The following FGFR2 variants were observed in gnomAD, a reference collection of about 807,000 sequenced individuals.
FGFR2 encodes BEK fibroblast growth factor receptor.
In FGFR2, 19 loss-of-function variants were observed where a neutral mutation model predicts 95.9. That is an observed-to-expected ratio of 0.20 (90% CI 0.14 to 0.29). The LOEUF is 0.29. Among genes scored for constraint, FGFR2 ranks in the 10% least tolerant of loss-of-function variants. FGFR2 has a pLI of 1.00. For synonymous variants in FGFR2, 392 were observed against 393.3 expected (o/e 1.00, Z 0.04); for missense variants, 707 against 1,056.9 (o/e 0.67, Z 4.59).
At chr10:121,588,027 T>C (rs1010128032) in intron 2 of FGFR2, among the ~76,000 whole-genome samples, 2 of 152,066 alleles carry the variant, frequency 1.3e-5, no homozygotes, top group Admixed American at 1.3e-4. Flanking sequence ...ATAAAGAAAA[T>C]GTAGTACATA....
rs374993905 is a variant in FGFR2, at chr10:121,479,994, C to G, written c.2329G>C (p.Glu777Gln). The G allele has an allele frequency of 1.2e-6, 2 of 1,614,074 alleles. No homozygotes were observed. Among genetic ancestry groups the G allele is most frequent in the South Asian group, 1.1e-5 (1 of 91,056 alleles). Residue 777 changes from glutamate (E) to glutamine (Q), a missense_variant, in exon 18 of 18, where the codon GAA becomes CAA. By Grantham distance (29) the Glu-to-Gln change is conservative. This residue lies in a region of FGFR2 where 104 missense variants were observed against 214.2 expected (regional missense o/e 0.49). Coordinates refer to ENST00000358487, the MANE Select transcript of FGFR2 (RefSeq NM_000141.5). ...EEYLDLSQPLEQYSPSYPDTR... is the reference protein window; with the variant it reads ...EEYLDLSQPLQQYSPSYPDTR... ...TCAGGGTAACTAGGTGAATACTGTT[C>G]GAGAGGTTGGCTGAGGTCCAAGTAT...
intron 5 of FGFR2, among the ~76,000 whole-genome samples, chr10:121,544,543 T>A (rs1013080971): frequency 6.6e-6 from 1 of 151,862 alleles, no homozygotes; most frequent in Non-Finnish European, 1.5e-5. Flanking sequence ...ATGGATGGAC[T>A]TTTGTTAAGT....
chr10:121,569,194 G>C (rs1373996340), intron 2 of FGFR2, among the ~76,000 whole-genome samples: 1 of 146,170 alleles, frequency 6.8e-6, no homozygotes, highest in Non-Finnish European at 1.5e-5. Flanking sequence ...GAACATCTGG[G>C]TTTCTTTTTC....
intron 11 of FGFR2, 135 bp downstream of exon 11, chr10:121,500,691 A>G (rs550621145): frequency 2.4e-6 from 3 of 1,266,710 alleles, no homozygotes; most frequent in East Asian, 2.3e-5. Context: ...ATTTATACCG[A>G]AAACTTCTCA....
Position 121,485,615 on chromosome 10 carries a change from C to T in FGFR2, c.2058-83G>A, listed in dbSNP as rs1845309013. ...ACACGCCCAGCTGAGACATAAACAC[C>T]TCCTCACTTCTGAAGTTCAAAGACA... On this transcript the variant is annotated intron_variant, in intron 15 of 17. Transcript: ENST00000358487. The surrounding 1 kb of genome is among the most constrained non-coding windows in gnomAD (Gnocchi z 4.2). The T allele has an allele frequency of 1.3e-6, 2 of 1,582,192 alleles. No homozygotes were observed. The highest frequency in any genetic ancestry group is 2.2e-5 in the South Asian group (2 of 89,454).
At position 121,518,055 on chromosome 10, in the gene FGFR2, C is replaced by A; in HGVS notation, c.940-592G>T. 1 of 498,216 alleles carries A rather than the reference C, an allele frequency of 2.0e-6. No homozygotes were observed. The highest frequency in any genetic ancestry group is 2.0e-5 in the African/African-American group (1 of 50,738). The allele number at this position is 498,216 out of a possible 1,614,324, so 30.9% of individuals were successfully genotyped here. A position where few individuals can be genotyped will look rare whatever the true frequency, so the allele number is the denominator to read the frequency against. On this transcript the variant is annotated intron_variant, in intron 7 of 17. Coordinates refer to ENST00000358487, the MANE Select transcript of FGFR2 (RefSeq NM_000141.5). The surrounding 1 kb of genome is among the most constrained non-coding windows in gnomAD (Gnocchi z 4.0). ...ATGGAAGCAAGCATCATCTTGGTAA[C>A]CAAAAAAACTGGGCTTTTTCTCTTT... is the stretch of plus-strand genomic sequence containing the variant.
At chr10:121,526,511 A>AGTTTT (rs1236042591) in intron 6 of FGFR2, among the ~76,000 whole-genome samples, 1 of 152,306 alleles carries the variant, frequency 6.6e-6, no homozygotes, top group Non-Finnish European at 1.5e-5. Context: ...TTGGGTTCTG[A>AGTTTT]GTTTTGTTTT....
At chr10:121,498,327 C>A (rs973774231) in intron 12 of FGFR2, among the ~76,000 whole-genome samples, 168 bp downstream of exon 12, 1 of 152,186 alleles carries the variant, frequency 6.6e-6, no homozygotes, top group Non-Finnish European at 1.5e-5. Flanking sequence ...GGCACAGACC[C>A]TTCTTTGTGT....
chr10:121,598,031 G>C lies in FGFR2; in HGVS notation c.-220C>G. ...CCGCGTGGGTCGGGATGGAGAAAGCGACGAGCCCGGGGTTGCGGGGAGCAA... is the reference window on the plus strand; with the variant it reads ...CCGCGTGGGTCGGGATGGAGAAAGCCACGAGCCCGGGGTTGCGGGGAGCAA... On this transcript the variant is annotated 5_prime_UTR_variant, in exon 1 of 18. Transcript: ENST00000358487. The C allele has an allele frequency of 2.5e-6, 1 of 397,402 alleles. No homozygotes were observed. Among genetic ancestry groups the C allele is most frequent in the African/African-American group, 2.1e-5 (1 of 48,724 alleles). The allele number at this position is 397,402 out of a possible 1,614,324, so 24.6% of individuals were successfully genotyped here.
At chr10:121,520,828 A>G (rs1028871979) in intron 6 of FGFR2, among the ~76,000 whole-genome samples, 1 of 152,126 alleles carries the variant, frequency 6.6e-6, no homozygotes, top group Admixed American at 6.5e-5. Flanking sequence ...TGTTTTATAG[A>G]AAGAGGATTT....
chr10:121,495,203 T>C (rs1846625561), intron 13 of FGFR2, among the ~76,000 whole-genome samples: 2 of 152,188 alleles, frequency 1.3e-5, no homozygotes, highest in South Asian at 4.1e-4. Context: ...AAGTCAAAAC[T>C]GTGTTTAATT....
At chr10:121,556,854 G>A (rs1186349851) in intron 4 of FGFR2, among the ~76,000 whole-genome samples, 2 of 152,090 alleles carry the variant, frequency 1.3e-5, no homozygotes, top group Admixed American at 1.3e-4. Context: ...TCTATAATTA[G>A]GGCTTTTAAA....
At position 121,551,187 on chromosome 10, in the gene FGFR2, T is replaced by C. The variant is rs1188719353; in HGVS notation, c.624+103A>G. On this transcript the variant is annotated intron_variant, in intron 5 of 17. Transcript: ENST00000358487. ...GTGAACCGAGATCGCACCACGGCAC[T>C]CCAGCCTGGGCGACAGAGCGAGACT... 2.2e-6 allele frequency: 3 copies of C among 1,375,034 alleles called. No homozygotes were observed. In the African/African-American group the frequency reaches 4.4e-5, roughly 20 times the overall value. The allele number at this position is 1,375,034 out of a possible 1,614,324, so 85.2% of individuals were successfully genotyped here. A position where few individuals can be genotyped will look rare whatever the true frequency, so the allele number is the denominator to read the frequency against.
chr10:121,591,952 A>G (rs1862724808), intron 2 of FGFR2, among the ~76,000 whole-genome samples: 2 of 152,200 alleles, frequency 1.3e-5, no homozygotes, highest in Admixed American at 6.5e-5. Flanking sequence ...CCCTCCCTGC[A>G]TGTATACACA....
intron 17 of FGFR2, chr10:121,481,827 C>T (rs1367890311): frequency 2.1e-4 from 37 of 179,052 alleles, no homozygotes; most frequent in African/African-American, 6.1e-4. Flanking sequence ...CGGTTTCTTT[C>T]TTTTTTATTT....
chr10:121,525,176 T>C (rs1026263275), intron 6 of FGFR2, among the ~76,000 whole-genome samples: 1 of 152,172 alleles, frequency 6.6e-6, no homozygotes, highest in African/African-American at 2.4e-5. Context: ...TATACACATA[T>C]AAGAATAGAC....
In FGFR2 at chr10:121,538,695, G is replaced by A. The variant is rs2134608099; in HGVS notation, c.645C>T (p.Ser215=). The A allele has an allele frequency of 6.2e-7, 1 of 1,614,142 alleles. No individual in the cohort carries two copies. The change falls in exon 6 of 18, where the codon AGC becomes AGT. Residue 215 remains serine (S), a synonymous_variant. Coordinates refer to ENST00000358487, the MANE Select transcript of FGFR2 (RefSeq NM_000141.5). ...GGYKVRNQHW[S]LIMESVVPSD... ...ATGGGACCACACTTTCCATAATGAGGCTCCAGTGCTGGTTTCGTACCTGAA... is the reference window on the plus strand; with the variant it reads ...ATGGGACCACACTTTCCATAATGAGACTCCAGTGCTGGTTTCGTACCTGAA...
intron 2 of FGFR2, among the ~76,000 whole-genome samples, chr10:121,573,691 A>AAGAGGCAGG (rs1164884563): frequency 6.6e-6 from 1 of 151,900 alleles, no homozygotes; most frequent in African/African-American, 2.4e-5. Flanking sequence ...GGGCAGAGAG[A>AAGAGGCAGG]AGAGGCAGGT....
Position 121,518,926 on chromosome 10 carries a change from C to T in FGFR2, c.939+1053G>A, listed in dbSNP as rs1287425102. Reference sequence around the variant, plus strand: ...CAACACACCGCAAGAAAACAAACTCCATTACGTCTAAACAGCGGCATTAAA... The same window carrying T: ...CAACACACCGCAAGAAAACAAACTCTATTACGTCTAAACAGCGGCATTAAA... On this transcript the variant is annotated intron_variant, in intron 7 of 17. Coordinates refer to ENST00000358487, the MANE Select transcript of FGFR2 (RefSeq NM_000141.5). This position sits in a 1 kb window ranked among gnomAD's most constrained non-coding sequence, Gnocchi z 4.0. 3 of 1,454,366 alleles carry T rather than the reference C, an allele frequency of 2.1e-6. No individual in the cohort carries two copies. The highest frequency in any genetic ancestry group is 2.9e-6 in the Non-Finnish European group (3 of 1,039,748). 90.1% of individuals were successfully genotyped at this position (1,454,366 alleles called of 1,614,324 possible). A position where few individuals can be genotyped will look rare whatever the true frequency, so the allele number is the denominator to read the frequency against.
Sources: allele counts gnomAD v4.1 joint callset (sites outside exome capture counted in the v4.1 genomes callset), GRCh38; gene constraint gnomAD v4.1.1; regional missense constraint gnomAD v4.1.1; non-coding constraint Gnocchi (gnomAD v3.1); transcripts MANE v1.5; gene names NCBI Gene and HGNC (gene_info 2026-07-23, HGNC 2026-07-21).